Variants in TUSC3 observed in about 807,000 individuals in gnomAD.
TUSC3 encodes tumor suppressor candidate 3, also known as dolichyl-diphosphooligosaccharide--protein glycosyltransferase subunit TUSC3.
Under a neutral mutation model 44.8 loss-of-function variants are expected in TUSC3, and 45 were observed. The ratio of observed to expected loss-of-function variants is 1.00; its 90% CI spans 0.79 to 1.29. The LOEUF (loss-of-function observed/expected upper bound fraction) is 1.29. Ranked by LOEUF, TUSC3 falls within the 50% of genes most tolerant of loss-of-function variation. The pLI is 0.00. For missense variants in TUSC3, 519 were observed against 437.9 expected (o/e 1.19, Z -1.65); for synonymous variants, 212 against 152.9 (o/e 1.39, Z -2.85).
At chr8:15,550,779 C>T (rs1802036606) in intron 1 of TUSC3, among the ~76,000 whole-genome samples, 2 of 151,626 alleles carry the variant, frequency 1.3e-5, no homozygotes, top group Admixed American at 1.3e-4. Context: ...TCAAGTGATT[C>T]TCGTGCCTCA....
At chr8:15,668,380 A>G (rs924291121) in intron 5 of TUSC3, among the ~76,000 whole-genome samples, 8 of 151,716 alleles carry the variant, frequency 5.3e-5, no homozygotes, top group African/African-American at 2.4e-5. Flanking sequence ...CAGTGCATTT[A>G]CCTTTTCTAT....
At chr8:15,566,527 G>A (rs754110719) in intron 1 of TUSC3, among the ~76,000 whole-genome samples, 1 of 151,954 alleles carries the variant, frequency 6.6e-6, no homozygotes, top group Non-Finnish European at 1.5e-5. Flanking sequence ...AAGGAAAAAA[G>A]TTTACCACTT....
chr8:15,796,868 G>A, the TUSC3 span, among the ~76,000 whole-genome samples: 8 of 152,236 alleles, frequency 5.3e-5, no homozygotes, highest in South Asian at 2.1e-4. Context: ...AGACCCGCCC[G>A]CTGCCCAATG....
the TUSC3 span, among the ~76,000 whole-genome samples, chr8:15,804,947 T>C: frequency 1.3e-5 from 2 of 152,206 alleles, no homozygotes; most frequent in African/African-American, 4.8e-5. Flanking sequence ...CAATATTGAT[T>C]CTTCCAGTCC....
chr8:15,469,089 T>C (rs1419446860), intron 1 of TUSC3, among the ~76,000 whole-genome samples: 3 of 152,136 alleles, frequency 2.0e-5, no homozygotes, highest in African/African-American at 7.2e-5. Flanking sequence ...TCCCTGGAGA[T>C]AATGAGCTTC....
At chr8:15,599,084 T>A (rs1804178302) in intron 1 of TUSC3, among the ~76,000 whole-genome samples, 1 of 151,916 alleles carries the variant, frequency 6.6e-6, no homozygotes, top group Non-Finnish European at 1.5e-5. Flanking sequence ...TTCCTGCTGC[T>A]ACACATCCTC....
upstream of TUSC3, among the ~76,000 whole-genome samples, chr8:15,539,703 G>T (rs1490023782): frequency 6.6e-6 from 1 of 152,056 alleles, no homozygotes; most frequent in Non-Finnish European, 1.5e-5. Context: ...AAGTCTATTC[G>T]TTTTTATATT....
the TUSC3 span, among the ~76,000 whole-genome samples, chr8:15,782,876 A>T: frequency 6.6e-6 from 1 of 152,222 alleles, no homozygotes; most frequent in Non-Finnish European, 1.5e-5. Flanking sequence ...AGTTCTAGCC[A>T]GAGTAATGAG....
intron 6 of TUSC3, among the ~76,000 whole-genome samples, chr8:15,700,827 T>C (rs1000290274): frequency 6.8e-6 from 1 of 146,640 alleles, no homozygotes; most frequent in African/African-American, 2.6e-5. Flanking sequence ...TCTGGTCCTT[T>C]CACTAGAGGG....
chr8:15,782,474 G>A, the TUSC3 span, among the ~76,000 whole-genome samples: 1 of 152,072 alleles, frequency 6.6e-6, no homozygotes, highest in South Asian at 2.1e-4. Flanking sequence ...GTGAGACCCT[G>A]TCTCAAGAAT....
chr8:15,841,701 A>T, the TUSC3 span, among the ~76,000 whole-genome samples: 1 of 152,114 alleles, frequency 6.6e-6, no homozygotes, highest in Non-Finnish European at 1.5e-5. Flanking sequence ...TTTAGTAGAG[A>T]CGGGGTTTTG....
intron 1 of TUSC3, among the ~76,000 whole-genome samples, chr8:15,419,062 T>A (rs1799693282): frequency 6.6e-6 from 1 of 152,160 alleles, no homozygotes; most frequent in Admixed American, 6.5e-5. Flanking sequence ...CCAAATTTCA[T>A]GTGGGCACCA....
chr8:15,669,262 C>T (rs1276218496), intron 5 of TUSC3, among the ~76,000 whole-genome samples: 6 of 151,746 alleles, frequency 4.0e-5, no homozygotes, highest in South Asian at 4.1e-4. Flanking sequence ...ATTGCTGAAA[C>T]AATTGAATCC....
intron 6 of TUSC3, among the ~76,000 whole-genome samples, chr8:15,685,063 G>A (rs1011605461): frequency 1.6e-4 from 24 of 152,180 alleles, no homozygotes; most frequent in African/African-American, 5.1e-4. Context: ...GGCACACCTC[G>A]GGGCGTGAAC....
intron 2 of TUSC3, among the ~76,000 whole-genome samples, chr8:15,487,284 C>T (rs1000075884): frequency 6.6e-6 from 1 of 152,092 alleles, no homozygotes; most frequent in African/African-American, 2.4e-5. Context: ...GTTGGGTTTT[C>T]AAAGCTTCTG....
At chr8:15,456,845 A>C (rs994969981) in intron 1 of TUSC3, among the ~76,000 whole-genome samples, 1 of 152,168 alleles carries the variant, frequency 6.6e-6, no homozygotes, top group Non-Finnish European at 1.5e-5. Context: ...TGTTGTATAT[A>C]GTTCAGATCT....
intron 6 of TUSC3, among the ~76,000 whole-genome samples, chr8:15,702,017 T>G (rs759468266): frequency 6.6e-6 from 1 of 152,106 alleles, no homozygotes; most frequent in Non-Finnish European, 1.5e-5. Context: ...GTTGATGAAT[T>G]TGAGGTTTTT....
At chr8:15,502,470 C>A (rs1483642272) in intron 2 of TUSC3, among the ~76,000 whole-genome samples, 1 of 152,072 alleles carries the variant, frequency 6.6e-6, no homozygotes, top group Admixed American at 6.6e-5. Flanking sequence ...TTTCCCGGAT[C>A]CAATATATAT....
At position 15,730,707 on chromosome 8, in the gene TUSC3, A is replaced by G. The variant is rs1810685068; in HGVS notation, c.840A>G (p.Glu280=). The change falls in exon 7 of 11, where the codon GAA becomes GAG. Residue 280 remains glutamate (E), a synonymous_variant. Coordinates refer to ENST00000503731, the MANE Select transcript of TUSC3 (RefSeq NM_006765.4). Reference sequence around the variant, plus strand: ...GCAGCCAGGCTCAGTTTGTGGCAGAATCACACATTATTCTGGTACTGAGTA... The same window carrying G: ...GCAGCCAGGCTCAGTTTGTGGCAGAGTCACACATTATTCTGGTACTGAGTA... The part of the protein sequence containing the change: ...HGSSQAQFVA[E]SHIILVLNAA... The G allele has an allele frequency of 1.2e-6, 2 of 1,613,242 alleles. No individual in the cohort carries two copies. Among genetic ancestry groups the G allele is most frequent in the Non-Finnish European group, 8.5e-7 (1 of 1,179,442 alleles).
Sources: allele counts gnomAD v4.1 joint callset (sites outside exome capture counted in the v4.1 genomes callset), GRCh38; gene constraint gnomAD v4.1.1; transcripts MANE v1.5; gene names NCBI Gene and HGNC (gene_info 2026-07-23, HGNC 2026-07-21).